Variants in LRRTM4 observed in about 807,000 individuals in gnomAD.
LRRTM4 encodes the protein leucine-rich repeat transmembrane neuronal protein 4.
Under a neutral mutation model 47.6 loss-of-function variants are expected in LRRTM4, and 25 were observed. The observed-to-expected ratio is 0.53, with a 90% CI of 0.38 to 0.73. The LOEUF (loss-of-function observed/expected upper bound fraction) is 0.73, where lower values mean the gene tolerates loss of function less well. Ranked by LOEUF, LRRTM4 falls within the 30% of genes least tolerant of loss-of-function variation. The pLI is 0.00. For missense variants in LRRTM4, 638 were observed against 713.4 expected (o/e 0.89, Z 1.20); for synonymous variants, 311 against 269.5 (o/e 1.15, Z -1.51).
intron 3 of LRRTM4, among the ~76,000 whole-genome samples, chr2:77,220,971 C>A (rs549408662): frequency 6.6e-6 from 1 of 152,142 alleles, no homozygotes; most frequent in Admixed American, 6.5e-5. Flanking sequence ...TCAGCTTACC[C>A]ACAAAGGGAA....
chr2:76,940,882 T>A (rs1675117567), intron 3 of LRRTM4, among the ~76,000 whole-genome samples: 1 of 152,176 alleles, frequency 6.6e-6, no homozygotes, highest in African/African-American at 2.4e-5. Context: ...TTCTCTCTCT[T>A]TTCTTTGTTT....
chr2:77,027,936 G>C (rs1678511094), intron 3 of LRRTM4, among the ~76,000 whole-genome samples: 1 of 150,594 alleles, frequency 6.6e-6, no homozygotes, highest in Non-Finnish European at 1.5e-5. Context: ...AGAATTAATG[G>C]TGAAACTTCT....
At chr2:77,276,283 C>T (rs528740502) in intron 3 of LRRTM4, among the ~76,000 whole-genome samples, 18 of 142,336 alleles carry the variant, frequency 1.3e-4, no homozygotes, top group Admixed American at 2.9e-4. Flanking sequence ...TAAAAACATA[C>T]GCTATTTTTA....
chr2:77,059,561 C>T (rs1004986231), intron 3 of LRRTM4, among the ~76,000 whole-genome samples: 13 of 152,148 alleles, frequency 8.5e-5, no homozygotes, highest in African/African-American at 3.1e-4. Flanking sequence ...AGAATCAAGT[C>T]ACTGGCAAGA....
At chr2:77,131,502 T>TA (rs1232372373) in intron 3 of LRRTM4, among the ~76,000 whole-genome samples, 1 of 152,194 alleles carries the variant, frequency 6.6e-6, no homozygotes, top group Non-Finnish European at 1.5e-5. Context: ...TTTGGGATCT[T>TA]ACCTGAACCA....
chr2:77,130,910 C>G (rs1203990929), intron 3 of LRRTM4, among the ~76,000 whole-genome samples: 1 of 123,660 alleles, frequency 8.1e-6, no homozygotes, highest in Non-Finnish European at 1.6e-5. Flanking sequence ...TCTTGGCTCA[C>G]TGCAAGCTCC....
chr2:76,913,023 G>T (rs923392361), intron 3 of LRRTM4, among the ~76,000 whole-genome samples: 1 of 152,224 alleles, frequency 6.6e-6, no homozygotes, highest in Non-Finnish European at 1.5e-5. Context: ...TGATATAGGG[G>T]TCCATTTTCC....
At chr2:77,434,114 G>A (rs1384216837) in intron 3 of LRRTM4, among the ~76,000 whole-genome samples, 10 of 152,048 alleles carry the variant, frequency 6.6e-5, no homozygotes, top group Non-Finnish European at 1.2e-4. Context: ...GTTTCCCACA[G>A]TGATAAAATT....
At chr2:76,842,820 C>T (rs1046398474) in intron 3 of LRRTM4, among the ~76,000 whole-genome samples, 3 of 152,072 alleles carry the variant, frequency 2.0e-5, no homozygotes, top group African/African-American at 7.2e-5. Context: ...TGTTTTGCTG[C>T]ACCTATCAAA....
At chr2:77,035,678 A>G (rs112166388) in intron 3 of LRRTM4, among the ~76,000 whole-genome samples, 9 of 151,810 alleles carry the variant, frequency 5.9e-5, no homozygotes, top group Non-Finnish European at 1.3e-4. Flanking sequence ...ACTCAGCATA[A>G]TTCTCTGGAC....
At chr2:76,914,709 C>CT (rs1332805488) in intron 3 of LRRTM4, among the ~76,000 whole-genome samples, 4 of 152,034 alleles carry the variant, frequency 2.6e-5, no homozygotes, top group Middle Eastern at 6.8e-3. Flanking sequence ...TTGGTGTTTC[C>CT]TTTTGTATAA....
intron 3 of LRRTM4, among the ~76,000 whole-genome samples, chr2:77,509,880 A>T (rs1678917780): frequency 6.6e-6 from 1 of 152,116 alleles, no homozygotes; most frequent in African/African-American, 2.4e-5. Context: ...CCTCTTTTTC[A>T]CCCCTTGATC....
intron 3 of LRRTM4, among the ~76,000 whole-genome samples, chr2:77,434,994 T>C (rs1296030311): frequency 6.6e-6 from 1 of 152,106 alleles, no homozygotes; most frequent in African/African-American, 2.4e-5. Flanking sequence ...TCACTATTGC[T>C]ATCTTGGGTC....
intron 3 of LRRTM4, among the ~76,000 whole-genome samples, chr2:76,763,082 A>G (rs1419341360): frequency 2.0e-5 from 3 of 152,190 alleles, no homozygotes; most frequent in African/African-American, 7.2e-5. Flanking sequence ...TTGAGGAGGT[A>G]GGAAGTGATG....
At chr2:77,024,350 G>T (rs1196919493) in intron 3 of LRRTM4, among the ~76,000 whole-genome samples, 4 of 152,032 alleles carry the variant, frequency 2.6e-5, no homozygotes, top group African/African-American at 9.7e-5. Flanking sequence ...GTCCTTCTGT[G>T]TCTGGCTTAT....
intron 3 of LRRTM4, among the ~76,000 whole-genome samples, chr2:77,159,181 C>G (rs1169484699): frequency 7.1e-6 from 1 of 141,160 alleles, no homozygotes; most frequent in Non-Finnish European, 1.6e-5. Context: ...TTTAGCGGTG[C>G]TAACTCCAAT....
intron 3 of LRRTM4, among the ~76,000 whole-genome samples, chr2:76,795,597 A>G (rs1345614176): frequency 2.7e-5 from 4 of 150,426 alleles, no homozygotes; most frequent in African/African-American, 4.8e-5. Context: ...ACACATACAC[A>G]CACACTACAT....
intron 3 of LRRTM4, among the ~76,000 whole-genome samples, chr2:77,084,050 C>A (rs1360947097): frequency 6.6e-6 from 1 of 151,894 alleles, no homozygotes; most frequent in Admixed American, 6.6e-5. Context: ...CGTGATCCAC[C>A]CGCCTCGGCC....
intron 3 of LRRTM4, among the ~76,000 whole-genome samples, chr2:77,489,991 T>A (rs1192816604): frequency 6.6e-6 from 1 of 152,196 alleles, no homozygotes; most frequent in Non-Finnish European, 1.5e-5. Context: ...GGCTAACGCC[T>A]GTAATCCCAG....
Sources: allele counts gnomAD v4.1 joint callset (sites outside exome capture counted in the v4.1 genomes callset), GRCh38; gene constraint gnomAD v4.1.1; transcripts MANE v1.5; gene names NCBI Gene and HGNC (gene_info 2026-07-23, HGNC 2026-07-21).